Variants in ACTR1A observed in about 807,000 individuals in gnomAD.
ACTR1A encodes the protein actin related protein 1A, also known as alpha-centractin.
ACTR1A carries 10 observed loss-of-function variants against 50.7 expected under a neutral mutation model. That is an observed-to-expected ratio of 0.20 (90% CI 0.12 to 0.33). The LOEUF (loss-of-function observed/expected upper bound fraction) is 0.33. Among genes scored for constraint, ACTR1A ranks in the 10% least tolerant of loss-of-function variants. The pLI is 1.00. For synonymous variants in ACTR1A, 177 were observed against 184.2 expected, an observed-to-expected ratio of 0.96 and a Z score of 0.32; for missense variants, 253 against 491.7, an observed-to-expected ratio of 0.51 and a Z score of 4.59.
chr10:102,502,567 AG>A (rs760403676), intron 1 of ACTR1A, 32 bp downstream of exon 1: 2 of 1,613,066 alleles, frequency 1.2e-6, no homozygotes, highest in Non-Finnish European at 1.7e-6. Context: ...GGAGAGCCCA[AG>A]TCCCCTTATA....
chr10:102,498,426 C>T (rs2062232671), intron 1 of ACTR1A, among the ~76,000 whole-genome samples: 1 of 151,862 alleles, frequency 6.6e-6, no homozygotes, highest in South Asian at 2.1e-4. Flanking sequence ...CATTTAGGTC[C>T]ATATAGTCAC....
chr10:102,498,711 G>A (rs1186021535), intron 1 of ACTR1A, among the ~76,000 whole-genome samples: 2 of 151,372 alleles, frequency 1.3e-5, no homozygotes, highest in African/African-American at 2.4e-5. Flanking sequence ...GGGCTCAAAC[G>A]ATCTTCCAGC....
chr10:102,479,633 T>C lies in ACTR1A; in HGVS notation c.*1230A>G. On this transcript the variant is annotated 3_prime_UTR_variant, in exon 11 of 11. Coordinates refer to ENST00000369905, the MANE Select transcript of ACTR1A (RefSeq NM_005736.4). This position sits in a 1 kb window ranked among gnomAD's most constrained non-coding sequence, Gnocchi z 4.0. Reference sequence around the variant, plus strand: ...CCCACTCCCTCCTTAACCAAGCAGGTCCAAGGTCAAGAATGGCACAAGATC... The same window carrying C: ...CCCACTCCCTCCTTAACCAAGCAGGCCCAAGGTCAAGAATGGCACAAGATC... The C allele has an allele frequency of 1.6e-6, 2 of 1,289,402 alleles. No individual in the cohort carries two copies. The highest frequency in any genetic ancestry group is 3.0e-5 in the African/African-American group (2 of 65,968). The allele number at this position is 1,289,402 out of a possible 1,614,324, so 79.9% of individuals were successfully genotyped here.
chr10:102,502,463 G>A (rs2062262645), intron 1 of ACTR1A, 137 bp downstream of exon 1: 1 of 867,716 alleles, frequency 1.2e-6, no homozygotes, highest in Non-Finnish European at 1.9e-6. Context: ...AGGGGAGGAA[G>A]GAGGCGGCGG....
intron 1 of ACTR1A, among the ~76,000 whole-genome samples, chr10:102,495,383 C>G (rs2062215144): frequency 6.6e-6 from 1 of 152,052 alleles, no homozygotes; most frequent in Non-Finnish European, 1.5e-5. Context: ...TCCTGGCTAA[C>G]ACGGTGAAAC....
At chr10:102,484,105 G>C in intron 6 of ACTR1A, 55 bp downstream of exon 6, 1 of 1,559,598 alleles carries the variant, frequency 6.4e-7, no homozygotes, top group Non-Finnish European at 8.8e-7. Context: ...CCAAGGTCCT[G>C]GGTGCTATGC....
intron 1 of ACTR1A, among the ~76,000 whole-genome samples, chr10:102,496,948 G>A (rs2062225177): frequency 6.6e-6 from 1 of 152,194 alleles, no homozygotes; most frequent in Non-Finnish European, 1.5e-5. Context: ...GGAGGCTGAG[G>A]CGGGTGGATC....
At chr10:102,483,765 A>C (rs912901757) in intron 6 of ACTR1A, 1 of 191,802 alleles carries the variant, frequency 5.2e-6, no homozygotes, top group Admixed American at 5.3e-5. Context: ...CGATTGCTTG[A>C]ACCCGGGAGG....
chr10:102,493,530 TC>T (rs754058092), intron 1 of ACTR1A, among the ~76,000 whole-genome samples: 2 of 152,226 alleles, frequency 1.3e-5, no homozygotes, highest in African/African-American at 2.4e-5. Flanking sequence ...TCTCTGTCCT[TC>T]CTAGCAAAGA....
chr10:102,479,241 C>A lies in ACTR1A; in HGVS notation c.*1622G>T, dbSNP rs978492433. On this transcript the variant is annotated 3_prime_UTR_variant, in exon 11 of 11. Coordinates refer to ENST00000369905, the MANE Select transcript of ACTR1A (RefSeq NM_005736.4). The surrounding 1 kb of genome is among the most constrained non-coding windows in gnomAD (Gnocchi z 4.0). ...ATAGAGGCCCAGCTGACGTGTCTAT[C>A]GGAACGACTTTATTTCAGTACACTG... 3.3e-5 allele frequency: 25 copies of A among 747,954 alleles called. No homozygotes were observed. The highest frequency in any genetic ancestry group is 4.7e-5 in the Non-Finnish European group (24 of 506,570). 46.3% of individuals were successfully genotyped at this position (747,954 alleles called of 1,614,324 possible).
chr10:102,497,343 A>G (rs1329982038), intron 1 of ACTR1A, among the ~76,000 whole-genome samples: 2 of 152,156 alleles, frequency 1.3e-5, no homozygotes, highest in Non-Finnish European at 2.9e-5. Context: ...AAGAGATAAC[A>G]GTAGGATGAT....
Position 102,502,668 on chromosome 10 carries a change from T to G in ACTR1A, c.-21A>C. ...TCCATGGCAGAGGAATCTCTCCTTC[T>G]GGGGAAGGAACTGCCCAGCCGGGTC... On this transcript the variant is annotated 5_prime_UTR_variant, in exon 1 of 11. Transcript: ENST00000369905. The G allele has an allele frequency of 6.2e-7, 1 of 1,613,866 alleles. No individual in the cohort carries two copies. The highest frequency in any genetic ancestry group is 1.1e-5 in the South Asian group (1 of 91,076).
intron 1 of ACTR1A, among the ~76,000 whole-genome samples, chr10:102,494,404 AG>A (rs1353265196): frequency 6.6e-6 from 1 of 152,124 alleles, no homozygotes; most frequent in African/African-American, 2.4e-5. Context: ...AGGCTGAGCT[AG>A]GAAGACTGCC....
At chr10:102,490,736 T>C (rs2062188004) in intron 1 of ACTR1A, 123 bp from the exon 2 acceptor site, 5 of 723,694 alleles carry the variant, frequency 6.9e-6, no homozygotes, top group Admixed American at 2.4e-5. Context: ...CTCACACTTG[T>C]AATCCCAACA....
intron 2 of ACTR1A, among the ~76,000 whole-genome samples, chr10:102,490,201 C>G (rs2135584442): frequency 6.8e-6 from 1 of 147,244 alleles, no homozygotes; most frequent in South Asian, 2.2e-4. Flanking sequence ...CCACTGCACT[C>G]CAGCCTGGGC....
Position 102,484,150 on chromosome 10 carries a change from C to T in ACTR1A, c.657+10G>A, listed in dbSNP as rs767490090. The stretch of plus-strand genomic sequence containing the variant: ...CCACTCCATCCCTAGGCCCAGGGGG[C>T]AGCACTTACTTCTTTTATGGCCTTG... On this transcript the variant is annotated intron_variant, in intron 6 of 10. Coordinates refer to ENST00000369905, the MANE Select transcript of ACTR1A (RefSeq NM_005736.4). 3.1e-6 allele frequency: 5 copies of T among 1,613,614 alleles called. No homozygotes were observed. The Admixed American group carries it at 5.0e-5, about 16-fold the overall frequency.
Position 102,488,082 on chromosome 10 carries a change from T to C in ACTR1A, c.315+68A>G. 6.4e-7 allele frequency: 1 copy of C among 1,555,252 alleles called. No homozygotes were observed. Among genetic ancestry groups the C allele is most frequent in the Non-Finnish European group, 8.8e-7 (1 of 1,134,894 alleles). On this transcript the variant is annotated intron_variant, in intron 4 of 10. Coordinates refer to ENST00000369905, the MANE Select transcript of ACTR1A (RefSeq NM_005736.4). The surrounding 1 kb of genome is among the most constrained non-coding windows in gnomAD (Gnocchi z 4.4). Reference sequence around the variant, plus strand: ...GCAGTGATCATCGTCCTCCTCATCATCTCTAGGGTAGGAGTTTGACACAGC... The same window carrying C: ...GCAGTGATCATCGTCCTCCTCATCACCTCTAGGGTAGGAGTTTGACACAGC...
intron 1 of ACTR1A, among the ~76,000 whole-genome samples, chr10:102,500,766 C>G (rs1008753362): frequency 6.6e-6 from 1 of 150,672 alleles, no homozygotes; most frequent in Non-Finnish European, 1.5e-5. Context: ...CCTCCACCCC[C>G]CCACACCAAA....
chr10:102,491,214 G>A (rs985616246), intron 1 of ACTR1A, among the ~76,000 whole-genome samples: 5 of 152,246 alleles, frequency 3.3e-5, no homozygotes, highest in Admixed American at 3.3e-4. Context: ...GGAAGAAAAA[G>A]ACAGAAAACC....
Sources: allele counts gnomAD v4.1 joint callset (sites outside exome capture counted in the v4.1 genomes callset), GRCh38; gene constraint gnomAD v4.1.1; non-coding constraint Gnocchi (gnomAD v3.1); transcripts MANE v1.5; gene names NCBI Gene and HGNC (gene_info 2026-07-23, HGNC 2026-07-21).